The following SLC22A2 variants were observed in gnomAD, a reference collection of about 807,000 sequenced individuals.
SLC22A2 encodes the protein solute carrier family 22 member 2, also known as organic cation transporter 2.
In SLC22A2, 46 loss-of-function variants were observed where a neutral mutation model predicts 60.5. That is an observed-to-expected ratio of 0.76 (90% CI 0.60 to 0.97). The LOEUF is 0.97. SLC22A2 is among the 50% of genes least tolerant of loss of function. SLC22A2 has a pLI of 0.00. For synonymous variants in SLC22A2, 303 were observed against 267.0 expected (o/e 1.13, Z -1.31); for missense variants, 701 against 706.6 (o/e 0.99, Z 0.09).
intron 9 of SLC22A2, 44 bp downstream of exon 9, chr6:160,241,430 G>T: frequency 7.7e-7 from 1 of 1,303,040 alleles, no homozygotes; most frequent in Non-Finnish European, 1.1e-6. Flanking sequence ...AAGGTCTCTA[G>T]AAAAATAAGT....
chr6:160,230,226 C>T (rs530896918), intron 9 of SLC22A2, among the ~76,000 whole-genome samples: 21 of 152,004 alleles, frequency 1.4e-4, no homozygotes, highest in South Asian at 6.2e-4. Flanking sequence ...TCCTCACACC[C>T]GGTCTGGTTT....
rs780844392 is a variant in SLC22A2, at chr6:160,249,348, A to G, written c.710T>C (p.Val237Ala). ...EFVGRRYRRT[V>A]GIFYQVAYTV... Reference sequence around the variant, plus strand: ...ATAGGCAACTTGGTAAAAAATCCCCACTGTTCTCCGATATCTCCGCCCAAC... The same window carrying G: ...ATAGGCAACTTGGTAAAAAATCCCCGCTGTTCTCCGATATCTCCGCCCAAC... Residue 237 changes from valine (V) to alanine (A), a missense_variant, in exon 4 of 11, where the codon GTG becomes GCG. Transcript: ENST00000366953. 1 of 1,613,634 alleles carries G rather than the reference A, an allele frequency of 6.2e-7. No homozygotes were observed. Among genetic ancestry groups the G allele is most frequent in the South Asian group, 1.1e-5 (1 of 90,992 alleles).
rs557716594 is a variant in SLC22A2, at chr6:160,228,647, T to C, written c.1502-3843A>G. On this transcript the variant is annotated intron_variant, in intron 9 of 10. Transcript: ENST00000366953. ...TACAGGATCATAGAAACATGGATAG[T>C]AATTGTCAGGCCTCTGAGCCCAAGC... Among the ~76,000 whole-genome samples the C allele has an allele frequency of 1.6e-4, 24 of 152,302 alleles. No homozygotes were observed. In the East Asian group the frequency reaches 4.6e-3, roughly 29 times the overall value.
At position 160,249,233 on chromosome 6, in the gene SLC22A2, G is replaced by C; in HGVS notation, c.825C>G (p.Phe275Leu). Residue 275 changes from phenylalanine (F) to leucine (L), a missense_variant, in exon 4 of 11, where the codon TTC (phenylalanine) becomes TTG (leucine). Transcript: ENST00000366953. ...LQFTVSLPNF[F>L]FLLYYWCIPE... Reference sequence around the variant, plus strand: ...GGACTTACCAGTAATAGAGCAAGAAGAAGAAGTTGGGCAGAGAAACTGTGA... The same window carrying C: ...GGACTTACCAGTAATAGAGCAAGAACAAGAAGTTGGGCAGAGAAACTGTGA... 6.2e-7 allele frequency: 1 copy of C among 1,600,794 alleles called. No individual in the cohort carries two copies. The highest frequency in any genetic ancestry group is 8.5e-7 in the Non-Finnish European group (1 of 1,174,974).
rs1338828176 is a variant in SLC22A2, at chr6:160,217,431, C to G, written c.*1G>C. On this transcript the variant is annotated 3_prime_UTR_variant, in exon 11 of 11. Transcript: ENST00000366953. ...CATGACAGCAGCAACGGTCTCTCTTCTTAGTTCAATGGAATGTCTAGTTTC... is the reference window on the plus strand; with the variant it reads ...CATGACAGCAGCAACGGTCTCTCTTGTTAGTTCAATGGAATGTCTAGTTTC... 1 of 1,593,950 alleles carries G rather than the reference C, an allele frequency of 6.3e-7. No individual in the cohort carries two copies. The highest frequency in any genetic ancestry group is 1.1e-5 in the South Asian group (1 of 90,212).
chr6:160,237,150 C>G (rs1782923403), intron 9 of SLC22A2, among the ~76,000 whole-genome samples: 1 of 152,112 alleles, frequency 6.6e-6, no homozygotes, highest in South Asian at 2.1e-4. Flanking sequence ...CCTGCTCATT[C>G]CAACGAGTGA....
At chr6:160,245,633 C>T (rs1783081276) in intron 5 of SLC22A2, 88 bp from the exon 6 acceptor site, 1 of 637,530 alleles carries the variant, frequency 1.6e-6, no homozygotes, top group Non-Finnish European at 2.6e-6. Flanking sequence ...TTCTTACCGT[C>T]CTGAGCGCCC....
At chr6:160,237,316 G>A (rs905423806) in intron 9 of SLC22A2, among the ~76,000 whole-genome samples, 1 of 152,040 alleles carries the variant, frequency 6.6e-6, no homozygotes, top group African/African-American at 2.4e-5. Context: ...AGTTTGCTTG[G>A]GATAATTTTG....
intron 9 of SLC22A2, among the ~76,000 whole-genome samples, chr6:160,229,648 C>T (rs1028271142): frequency 6.6e-6 from 1 of 151,650 alleles, no homozygotes; most frequent in African/African-American, 2.4e-5. Flanking sequence ...GGGGCAAGCA[C>T]CCCCCACTCC....
At chr6:160,255,735 C>T (rs550580900) in intron 2 of SLC22A2, among the ~76,000 whole-genome samples, 30 of 152,234 alleles carry the variant, frequency 2.0e-4, no homozygotes, top group Middle Eastern at 3.4e-3. Context: ...ACTCAATAAA[C>T]GGTGTTATGA....
At chr6:160,227,263 C>T (rs1183111117) in intron 9 of SLC22A2, among the ~76,000 whole-genome samples, 1 of 152,168 alleles carries the variant, frequency 6.6e-6, no homozygotes, top group African/African-American at 2.4e-5. Flanking sequence ...TATGAGACTT[C>T]ATCTACATAA....
At chr6:160,235,611 A>G (rs1782898409) in intron 9 of SLC22A2, among the ~76,000 whole-genome samples, 1 of 141,006 alleles carries the variant, frequency 7.1e-6, no homozygotes, top group Non-Finnish European at 1.6e-5. Context: ...GTGTGAATAT[A>G]TTGGCTAAAG....
intron 9 of SLC22A2, among the ~76,000 whole-genome samples, chr6:160,240,082 C>T (rs958657775): frequency 1.3e-5 from 2 of 152,126 alleles, no homozygotes; most frequent in African/African-American, 4.8e-5. Context: ...TTTATTAAGT[C>T]AGCTTTAGGG....
At chr6:160,248,770 C>T (rs1783136587) in intron 4 of SLC22A2, among the ~76,000 whole-genome samples, 1 of 152,156 alleles carries the variant, frequency 6.6e-6, no homozygotes, top group African/African-American at 2.4e-5. Context: ...ATGAAGAATA[C>T]TGTGATTCAC....
At chr6:160,229,423 C>A (rs533859882) in intron 9 of SLC22A2, among the ~76,000 whole-genome samples, 1 of 152,026 alleles carries the variant, frequency 6.6e-6, no homozygotes, top group Admixed American at 6.5e-5. Context: ...TGATTATTTA[C>A]CCACATTTCA....
At chr6:160,233,393 C>A (rs315981) in intron 9 of SLC22A2, among the ~76,000 whole-genome samples, 106,355 of 151,546 alleles carry the variant, frequency 0.7, 39,302 homozygotes, top group Admixed American at 0.82. Flanking sequence ...TTCAGTGGAA[C>A]CTTCATACCC....
chr6:160,232,964 T>C (rs2114856766), intron 9 of SLC22A2, among the ~76,000 whole-genome samples: 1 of 151,952 alleles, frequency 6.6e-6, no homozygotes, highest in African/African-American at 2.4e-5. Flanking sequence ...CTCTTCCATG[T>C]AGGTTACAAG....
chr6:160,256,206 C>T (rs574557988), intron 2 of SLC22A2, among the ~76,000 whole-genome samples: 1 of 151,974 alleles, frequency 6.6e-6, no homozygotes, highest in Admixed American at 6.5e-5. Context: ...TGGGGGCTCC[C>T]AGCATATGCG....
chr6:160,234,486 T>C (rs1782879129), intron 9 of SLC22A2, among the ~76,000 whole-genome samples: 4 of 152,174 alleles, frequency 2.6e-5, no homozygotes, highest in Admixed American at 1.3e-4. Flanking sequence ...CAGGAGGAGC[T>C]GCCCCTGCCG....
Sources: gnomAD v4.1 joint callset for allele counts (sites outside exome capture counted in the v4.1 genomes callset) on GRCh38, gnomAD v4.1.1 for gene constraint, MANE v1.5 for transcripts, NCBI Gene and HGNC (gene_info 2026-07-23, HGNC 2026-07-21) for gene names.